The following PLBD2 variants were observed in gnomAD, a reference collection of about 807,000 sequenced individuals.
The protein encoded by PLBD2 is phospholipase B domain containing 2, also known as putative aminopeptidase PLBD2.
A neutral mutation model predicts 68.3 loss-of-function variants in PLBD2; 51 were observed. The observed-to-expected ratio is 0.75, with a 90% CI of 0.60 to 0.94. The LOEUF (loss-of-function observed/expected upper bound fraction) is 0.94. PLBD2 is among the 40% of genes least tolerant of loss of function. The pLI is 0.00. For synonymous variants in PLBD2, 314 were observed against 339.3 expected, an observed-to-expected ratio of 0.93 and a Z score of 0.82; for missense variants, 729 against 792.2, an observed-to-expected ratio of 0.92 and a Z score of 0.96.
chr12:113,370,472 C>CTTTTTTTTTT (rs71086162), intron 2 of PLBD2, among the ~76,000 whole-genome samples: 82 of 103,642 alleles, frequency 7.9e-4, no homozygotes, highest in East Asian at 1.4e-3. Flanking sequence ...TTTTTCTTTT[C>CTTTTTTTTTT]TTTTTTTTTT....
chr12:113,369,783 G>A (rs544447030), intron 2 of PLBD2, among the ~76,000 whole-genome samples: 2 of 152,284 alleles, frequency 1.3e-5, no homozygotes, highest in South Asian at 4.2e-4. Context: ...GGGGGAGTGG[G>A]GAGTGGGGAG....
chr12:113,384,086 C>G lies in PLBD2; in HGVS notation c.958-19C>G. 6.3e-7 allele frequency: 1 copy of G among 1,583,918 alleles called. No homozygotes were observed. Among genetic ancestry groups the G allele is most frequent in the Non-Finnish European group, 8.6e-7 (1 of 1,160,610 alleles). On this transcript the variant is annotated intron_variant, in intron 6 of 11. Coordinates refer to ENST00000280800, the MANE Select transcript of PLBD2 (RefSeq NM_173542.4). The surrounding 1 kb of genome is among the most constrained non-coding windows in gnomAD (Gnocchi z 4.2). Reference sequence around the variant, plus strand: ...CAGCATGCCTAGGCTGTGCAGCAGCCCCCTTGACCTTCCCACAGGTGACAC... The same window carrying G: ...CAGCATGCCTAGGCTGTGCAGCAGCGCCCTTGACCTTCCCACAGGTGACAC...
At chr12:113,385,579 A>G (rs1045061304) in intron 9 of PLBD2, among the ~76,000 whole-genome samples, 4 of 152,016 alleles carry the variant, frequency 2.6e-5, no homozygotes, top group African/African-American at 7.2e-5. Context: ...TACAGCTGTC[A>G]CCTCCTGAGG....
chr12:113,385,315 C>G (rs1957541221), intron 9 of PLBD2, 32 bp downstream of exon 9: 6 of 1,596,006 alleles, frequency 3.8e-6, no homozygotes, highest in Non-Finnish European at 5.2e-6. Context: ...TCCCCGTCAC[C>G]CTCCAGGGCA....
chr12:113,370,905 C>T (rs1048228405), intron 2 of PLBD2, among the ~76,000 whole-genome samples: 7 of 152,118 alleles, frequency 4.6e-5, no homozygotes, highest in African/African-American at 1.7e-4. Flanking sequence ...ATGGCCTAAC[C>T]AGTGGCCCAA....
chr12:113,380,640 C>T (rs1165733877), intron 5 of PLBD2, 105 bp from the exon 6 acceptor site: 9 of 868,970 alleles, frequency 1.0e-5, no homozygotes, highest in African/African-American at 6.7e-5. Flanking sequence ...GGGGCTTCCT[C>T]GGAGGCCTGC....
chr12:113,360,452 TGCTCTTGACTATGGTAAACATGGAA>T (rs1957281642), intron 1 of PLBD2, among the ~76,000 whole-genome samples: 1 of 152,196 alleles, frequency 6.6e-6, no homozygotes, highest in Non-Finnish European at 1.5e-5. Flanking sequence ...TGGGCTGTGT[TGCTCTTGACTATGGTAAACATGGAA>T]GTGGAGAGAA....
chr12:113,369,165 C>A lies in PLBD2; in HGVS notation c.340C>A (p.Gln114Lys). The change falls in exon 2 of 12, where the codon CAG becomes AAG. Residue 114 changes from glutamine (Q) to lysine (K), a missense_variant. Coordinates refer to ENST00000280800, the MANE Select transcript of PLBD2 (RefSeq NM_173542.4). Reference protein sequence around the residue: ...GTSGQYNDSLQAYAAGVVEAA... With the variant: ...GTSGQYNDSLKAYAAGVVEAA... ...AAGTGGCCAATACAATGACAGCTTG[C>A]AGGCCTATGCAGCCGGTGTGGTGGA... 6.2e-7 allele frequency: 1 copy of A among 1,607,282 alleles called. No individual in the cohort carries two copies. Among genetic ancestry groups the A allele is most frequent in the South Asian group, 1.1e-5 (1 of 89,382 alleles).
intron 5 of PLBD2, 80 bp downstream of exon 5, chr12:113,375,087 C>A: frequency 1.6e-6 from 2 of 1,277,790 alleles, no homozygotes; most frequent in Admixed American, 1.9e-5. Flanking sequence ...AGGTTTGGGC[C>A]TTGGAAACCC....
intron 5 of PLBD2, among the ~76,000 whole-genome samples, chr12:113,379,248 C>T (rs1957461950): frequency 7.0e-6 from 1 of 143,116 alleles, no homozygotes; most frequent in Admixed American, 7.5e-5. Flanking sequence ...GCAGAGGTTG[C>T]AGTGAGCCGA....
In PLBD2 at chr12:113,372,711, C is replaced by A. The variant is rs143348132; in HGVS notation, c.447C>A (p.Val149=). ...VNYCGPFEYE[V]GYCERLKSFL... ...ACTGCGGCCCCTTCGAGTATGAAGT[C>A]GGCTACTGCGAGAGGCTGAAGAGCT... Residue 149 remains valine, a synonymous_variant, in exon 3 of 12, where the codon GTC becomes GTA. Transcript: ENST00000280800. The surrounding 1 kb of genome is among the most constrained non-coding windows in gnomAD (Gnocchi z 4.2). 6.2e-7 allele frequency: 1 copy of A among 1,614,016 alleles called. No individual in the cohort carries two copies. The highest frequency in any genetic ancestry group is 8.5e-7 in the Non-Finnish European group (1 of 1,179,980).
rs1475946270 is a variant in PLBD2 at position 113,374,830 on chromosome 12, C to T, written c.682C>T (p.Leu228=). The change falls in exon 5 of 12, where the codon CTG becomes TTG. Residue 228 remains leucine, a synonymous_variant. Coordinates refer to ENST00000280800, the MANE Select transcript of PLBD2 (RefSeq NM_173542.4). The part of the protein sequence containing the change: ...QLSGDLEDLE[L]ALNKTKIKPS... ...CTCTGGGGACCTGGAAGACCTGGAG[C>T]TGGCCCTGAACAAGACCAAGATCAA... 3.1e-6 allele frequency: 5 copies of T among 1,613,710 alleles called. No individual in the cohort carries two copies. In the African/African-American group the frequency reaches 5.3e-5, roughly 17 times the overall value.
chr12:113,364,956 A>C (rs907763173), intron 1 of PLBD2, among the ~76,000 whole-genome samples: 26 of 152,198 alleles, frequency 1.7e-4, no homozygotes, highest in African/African-American at 6.3e-4. Context: ...ATTCAGACCA[A>C]GTCGGAGGGA....
At chr12:113,371,657 C>T (rs35586551) in intron 2 of PLBD2, among the ~76,000 whole-genome samples, 7,444 of 152,300 alleles carry the variant, frequency 0.049, 211 homozygotes, top group Middle Eastern at 0.099. Flanking sequence ...GAATCCCAGG[C>T]CCATGTGCCA....
chr12:113,365,325 A>AT (rs760494446), intron 1 of PLBD2, among the ~76,000 whole-genome samples: 470 of 144,968 alleles, frequency 3.2e-3, no homozygotes, highest in Middle Eastern at 7.0e-3. Context: ...TGTTGGAAGA[A>AT]TTTTTTTTTT....
In PLBD2 at chr12:113,387,791, A is replaced by G; in HGVS notation, c.1487A>G (p.Asn496Ser). 2 of 1,613,810 alleles carry G rather than the reference A, an allele frequency of 1.2e-6. No individual in the cohort carries two copies. The highest frequency in any genetic ancestry group is 1.1e-5 in the South Asian group (1 of 91,056). The change falls in exon 11 of 12, where the codon AAC becomes AGC. Residue 496 changes from asparagine to serine, a missense_variant. Coordinates refer to ENST00000280800, the MANE Select transcript of PLBD2 (RefSeq NM_173542.4). Reference sequence around the variant, plus strand: ...CCTCTGTCACTGTGCAAAGCCTGCAACCCCCAGCCCAATGGGGAGAATGCT... The same window carrying G: ...CCTCTGTCACTGTGCAAAGCCTGCAGCCCCCAGCCCAATGGGGAGAATGCT... The part of the protein sequence containing the change: ...HDPLSLCKAC[N>S]PQPNGENAIS...
Position 113,388,604 on chromosome 12 carries a change from C to T in PLBD2, c.1748C>T (p.Pro583Leu). ...CAGCCAGACCTCTGGAAGTTCGCGC[C>T]TGTCAAGGTTTCATGGGACTGAAGT... ...MGQPDLWKFA[P>L]VKVSWD The change falls in exon 12 of 12, where the codon CCT becomes CTT. Residue 583 changes from proline to leucine, a missense_variant. Physicochemically the swap from Pro to Leu is moderately conservative, Grantham distance 98. Transcript: ENST00000280800. The T allele has an allele frequency of 6.3e-7, 1 of 1,594,520 alleles. No individual in the cohort carries two copies. The highest frequency in any genetic ancestry group is 8.6e-7 in the Non-Finnish European group (1 of 1,169,126).
chr12:113,377,240 A>G (rs1324175267), intron 5 of PLBD2, among the ~76,000 whole-genome samples: 1 of 152,198 alleles, frequency 6.6e-6, no homozygotes, highest in Non-Finnish European at 1.5e-5. Context: ...CTCTAAATTG[A>G]CATTTATACA....
At chr12:113,375,590 TG>T (rs1372066049) in intron 5 of PLBD2, among the ~76,000 whole-genome samples, 1 of 152,006 alleles carries the variant, frequency 6.6e-6, no homozygotes. Context: ...GTCAGCTAGG[TG>T]GTTTTGGTTT....
Sources: allele counts gnomAD v4.1 joint callset (sites outside exome capture counted in the v4.1 genomes callset), GRCh38; gene constraint gnomAD v4.1.1; non-coding constraint Gnocchi (gnomAD v3.1); transcripts MANE v1.5; gene names NCBI Gene and HGNC (gene_info 2026-07-23, HGNC 2026-07-21).